The following ANKRD55 variants were observed in gnomAD, a reference collection of about 807,000 sequenced individuals.
ANKRD55 encodes the protein ankyrin repeat domain-containing protein 55.
In ANKRD55, 41 loss-of-function variants were observed where a neutral mutation model predicts 60.6. That is an observed-to-expected ratio of 0.68 (90% CI 0.53 to 0.88). The LOEUF (loss-of-function observed/expected upper bound fraction) is 0.88, where lower values mean the gene tolerates loss of function less well. Ranked by LOEUF, ANKRD55 falls within the 40% of genes least tolerant of loss-of-function variation. The pLI is 0.00. For synonymous variants in ANKRD55, 264 were observed against 290.3 expected, an observed-to-expected ratio of 0.91 and a Z score of 0.92; for missense variants, 732 against 767.6, an observed-to-expected ratio of 0.95 and a Z score of 0.55.
chr5:56,131,926 A>G (rs1475723915), intron 7 of ANKRD55, among the ~76,000 whole-genome samples: 1 of 151,710 alleles, frequency 6.6e-6, no homozygotes, highest in African/African-American at 2.4e-5. Context: ...TAAAATAAAA[A>G]CTTTTATTTT....
At chr5:56,183,436 C>T (rs986521468) in intron 3 of ANKRD55, 76 bp downstream of exon 3, 1 of 1,568,738 alleles carries the variant, frequency 6.4e-7, no homozygotes, top group Non-Finnish European at 8.7e-7. Context: ...CATTTATTAA[C>T]ATTGCTCATG....
intron 6 of ANKRD55, 105 bp downstream of exon 6, chr5:56,159,728 C>T: frequency 1.8e-6 from 2 of 1,127,924 alleles, no homozygotes; most frequent in South Asian, 1.3e-5. Context: ...AACCATGCCT[C>T]ATGTCTCCCC....
At chr5:56,173,582 C>CTCTCTCTCTATATA (rs1484157730) in intron 4 of ANKRD55, among the ~76,000 whole-genome samples, 2 of 45,244 alleles carry the variant, frequency 4.4e-5, no homozygotes. Context: ...CTCTCTCTCT[C>CTCTCTCTCTATATA]TATATATATA....
chr5:56,124,505 TG>T (rs1209785128), intron 8 of ANKRD55, among the ~76,000 whole-genome samples: 3 of 152,114 alleles, frequency 2.0e-5, no homozygotes, highest in East Asian at 3.8e-4. Flanking sequence ...TATTTATTTT[TG>T]TTTTTTTTAA....
chr5:56,204,469 T>C (rs1444199974), intron 2 of ANKRD55, among the ~76,000 whole-genome samples: 2 of 152,226 alleles, frequency 1.3e-5, no homozygotes, highest in Non-Finnish European at 2.9e-5. Context: ...GTCTAACATA[T>C]AATTCTTTAA....
At chr5:56,203,307 G>A (rs1231825798) in intron 2 of ANKRD55, among the ~76,000 whole-genome samples, 1 of 152,006 alleles carries the variant, frequency 6.6e-6, no homozygotes, top group Admixed American at 6.6e-5. Context: ...TCATAATAGT[G>A]AGTTCTCATG....
At chr5:56,174,700 T>G (rs530404517) in intron 4 of ANKRD55, among the ~76,000 whole-genome samples, 2 of 151,960 alleles carry the variant, frequency 1.3e-5, no homozygotes, top group Non-Finnish European at 2.9e-5. Context: ...GGTGTGGTGG[T>G]GCATGCCTGT....
chr5:56,118,841 T>C (rs1756955338), intron 8 of ANKRD55, among the ~76,000 whole-genome samples: 1 of 151,846 alleles, frequency 6.6e-6, no homozygotes, highest in Admixed American at 6.6e-5. Context: ...GAAATACCAA[T>C]ACACACCTAT....
intron 5 of ANKRD55, among the ~76,000 whole-genome samples, chr5:56,161,626 T>C (rs1223460048): frequency 1.3e-5 from 2 of 152,224 alleles, no homozygotes; most frequent in African/African-American, 4.8e-5. Flanking sequence ...TTCAATCTTG[T>C]TGTATCATAG....
chr5:56,201,975 C>T (rs917278570), intron 2 of ANKRD55, among the ~76,000 whole-genome samples: 6 of 152,100 alleles, frequency 3.9e-5, no homozygotes, highest in African/African-American at 9.7e-5. Flanking sequence ...TAAAAAAGAA[C>T]GAGGTCATGT....
At chr5:56,120,855 C>T (rs908017769) in intron 8 of ANKRD55, among the ~76,000 whole-genome samples, 7 of 148,662 alleles carry the variant, frequency 4.7e-5, no homozygotes, top group East Asian at 4.0e-4. Context: ...GCCAAGATCG[C>T]GCCACTGCTA....
At chr5:56,101,051 C>T (rs1280889798) in intron 11 of ANKRD55, among the ~76,000 whole-genome samples, 16 of 152,166 alleles carry the variant, frequency 1.1e-4, no homozygotes. Flanking sequence ...CTCTGTGTGA[C>T]CTTGGACATA....
At chr5:56,113,011 CAG>C (rs770330702) in intron 9 of ANKRD55, among the ~76,000 whole-genome samples, 5 of 152,052 alleles carry the variant, frequency 3.3e-5, no homozygotes, top group Admixed American at 6.6e-5. Context: ...CTAATACCAC[CAG>C]AGAGAGAGCC....
In ANKRD55 at chr5:56,207,496, T is replaced by C. The variant is rs945732748; in HGVS notation, c.59-23862A>G. Among the ~76,000 whole-genome samples the C allele has an allele frequency of 6.6e-5, 10 of 152,134 alleles. 1 individual carries two copies. Among genetic ancestry groups the C allele is most frequent in the African/African-American group, 2.2e-4 (9 of 41,424 alleles). On this transcript the variant is annotated intron_variant, in intron 2 of 11. Coordinates refer to ENST00000341048, the MANE Select transcript of ANKRD55 (RefSeq NM_024669.3). ...AGGTGATTTTGTCGTTATGAGAACATCATAGAGTGTATCTACACAAACCTA... is the reference window on the plus strand; with the variant it reads ...AGGTGATTTTGTCGTTATGAGAACACCATAGAGTGTATCTACACAAACCTA...
intron 10 of ANKRD55, among the ~76,000 whole-genome samples, chr5:56,107,138 T>A (rs1273507364): frequency 6.6e-6 from 1 of 152,112 alleles, no homozygotes; most frequent in East Asian, 1.9e-4. Flanking sequence ...TATGACTGTA[T>A]CTAAACATGA....
chr5:56,121,487 C>T (rs1238923597), intron 8 of ANKRD55, among the ~76,000 whole-genome samples: 20 of 151,398 alleles, frequency 1.3e-4, no homozygotes, highest in African/African-American at 4.9e-4. Flanking sequence ...ATTCTCCTGC[C>T]TCAGCCTCCC....
At chr5:56,223,685 G>A (rs1445922920) in intron 2 of ANKRD55, among the ~76,000 whole-genome samples, 1 of 152,166 alleles carries the variant, frequency 6.6e-6, no homozygotes, top group Non-Finnish European at 1.5e-5. Flanking sequence ...GGCAGGGGTT[G>A]CAATCCTAGT....
At position 56,100,082 on chromosome 5, in the gene ANKRD55, G is replaced by C. The variant is rs564803378; in HGVS notation, c.*101C>G. On this transcript the variant is annotated 3_prime_UTR_variant, in exon 12 of 12. Coordinates refer to ENST00000341048, the MANE Select transcript of ANKRD55 (RefSeq NM_024669.3). ...TAAAACTGATGGCTTATAGAATGCAGCTTACTAAATTGGTCTTCGTTCTTA... is the reference window on the plus strand; with the variant it reads ...TAAAACTGATGGCTTATAGAATGCACCTTACTAAATTGGTCTTCGTTCTTA... 9 of 1,494,912 alleles carry C rather than the reference G, an allele frequency of 6.0e-6. No homozygotes were observed. The East Asian group carries it at 2.0e-4, about 34-fold the overall frequency. 92.6% of individuals were successfully genotyped at this position (1,494,912 alleles called of 1,614,324 possible).
intron 6 of ANKRD55, among the ~76,000 whole-genome samples, chr5:56,154,300 A>G (rs2111781917): frequency 6.6e-6 from 1 of 152,098 alleles, no homozygotes; most frequent in African/African-American, 2.4e-5. Context: ...CCCTCATACA[A>G]TGGAGGCTAC....
Sources: allele counts gnomAD v4.1 joint callset (sites outside exome capture counted in the v4.1 genomes callset), GRCh38; gene constraint gnomAD v4.1.1; transcripts MANE v1.5; gene names NCBI Gene and HGNC (gene_info 2026-07-23, HGNC 2026-07-21).